MTA3: variants seen among roughly 807,000 people sequenced by gnomAD.
The protein encoded by MTA3 is metastasis-associated protein MTA3.
A neutral mutation model predicts 83.5 loss-of-function variants in MTA3; 34 were observed. That is an observed-to-expected ratio of 0.41 (90% confidence interval 0.31 to 0.54). MTA3 has a LOEUF of 0.54. MTA3 is among the 20% of genes least tolerant of loss of function. The probability of loss-of-function intolerance (pLI) is 0.33; values close to 1 mark genes in which losing one functional copy is unlikely to be tolerated. For synonymous variants in MTA3, 303 were observed against 252.7 expected (o/e 1.20, Z -1.89); for missense variants, 761 against 726.4 (o/e 1.05, Z -0.55).
At chr2:42,739,986 C>G (rs531745669) in intron 16 of MTA3, among the ~76,000 whole-genome samples, 2 of 152,306 alleles carry the variant, frequency 1.3e-5, no homozygotes, top group East Asian at 3.9e-4. Context: ...CACTGAAGTC[C>G]TGAACCTTTC....
rs558139458 is a variant in MTA3 at position 42,714,063 on chromosome 2, T to G, written c.1526-4925T>G. On this transcript the variant is annotated intron_variant, in intron 14 of 16. Coordinates refer to ENST00000405094, the MANE Select transcript of MTA3 (RefSeq NM_001330442.2). ...TAGACAATTCCTATTTCTCTAGAAC[T>G]TTGCTGGCAGTGTTACCCATCTTTG... Among the ~76,000 whole-genome samples, 291 of 152,340 alleles carry G rather than the reference T, an allele frequency of 1.9e-3. 2 individuals carry two copies. Among genetic ancestry groups the G allele is most frequent in the Non-Finnish European group, 3.5e-3 (240 of 68,032 alleles).
rs926865965 is a variant in MTA3 at position 42,701,840 on chromosome 2, C to T, written c.1026-2354C>T. Among the ~76,000 whole-genome samples, 8 of 149,852 alleles carry T rather than the reference C, an allele frequency of 5.3e-5. 1 individual carries two copies. In the South Asian group the frequency reaches 1.5e-3, roughly 28 times the overall value. ...AGGCAGGAGAATCGCTTGAACCTGC[C>T]GGGGGCAGAGGTTGCAGTGAGCCGA... is the stretch of plus-strand genomic sequence containing the variant. On this transcript the variant is annotated intron_variant, in intron 11 of 16. Transcript: ENST00000405094.
intron 8 of MTA3, among the ~76,000 whole-genome samples, chr2:42,666,145 C>T (rs1272634730): frequency 6.6e-6 from 1 of 152,078 alleles, no homozygotes; most frequent in Non-Finnish European, 1.5e-5. Context: ...GGTGTGGTGG[C>T]ACGCACCTGT....
intron 16 of MTA3, among the ~76,000 whole-genome samples, chr2:42,737,835 C>T (rs970899695): frequency 2.6e-5 from 4 of 152,078 alleles, no homozygotes; most frequent in Non-Finnish European, 4.4e-5. Flanking sequence ...AATACAGGCC[C>T]AGATTTGTAT....
At chr2:42,594,954 C>T (rs556755648) in intron 3 of MTA3, among the ~76,000 whole-genome samples, 6 of 146,752 alleles carry the variant, frequency 4.1e-5, no homozygotes, top group African/African-American at 1.0e-4. Context: ...GGGGTTTCAC[C>T]GTGTTAACCA....
At chr2:42,698,172 TG>T in intron 11 of MTA3, among the ~76,000 whole-genome samples, 1 of 152,226 alleles carries the variant, frequency 6.6e-6, no homozygotes, top group Admixed American at 6.5e-5. Context: ...AGATTTTGTT[TG>T]GGTAATGCAT....
chr2:42,742,125 ACTTT>A (rs375464995), intron 16 of MTA3, among the ~76,000 whole-genome samples: 1,794 of 149,468 alleles, frequency 0.012, 25 homozygotes, highest in African/African-American at 0.041. Flanking sequence ...TAAAGCCATC[ACTTT>A]CTTTCTTTCT....
At chr2:42,567,134 T>C (rs1489908592), upstream of MTA3, among the ~76,000 whole-genome samples, 1 of 152,174 alleles carries the variant, frequency 6.6e-6, no homozygotes, top group Non-Finnish European at 1.5e-5. Flanking sequence ...TCTGTGGTTT[T>C]CTGGGGTTAA....
chr2:42,547,491 C>T (rs1422566834), intron 2 of MTA3, among the ~76,000 whole-genome samples: 2 of 152,188 alleles, frequency 1.3e-5, no homozygotes, highest in African/African-American at 2.4e-5. Flanking sequence ...CCAACGCGCC[C>T]GGCTAATTTT....
chr2:42,594,705 C>CATATATATATATATATAT (rs1167117095), intron 3 of MTA3, among the ~76,000 whole-genome samples: 62 of 46,482 alleles, frequency 1.3e-3, no homozygotes, highest in East Asian at 2.3e-3. Flanking sequence ...TATAAATATA[C>CATATATATATATATATAT]ATATATATAT....
chr2:42,525,603 T>TTTCCTTCCTTCCTTTCC (rs1553337687), intron 2 of MTA3, among the ~76,000 whole-genome samples: 1 of 95,506 alleles, frequency 1.0e-5, no homozygotes, highest in African/African-American at 3.8e-5. Flanking sequence ...CCTTCCTTCC[T>TTTCCTTCCTTCCTTTCC]TTCCTTCCTT....
chr2:42,646,314 C>T (rs1688181165), intron 6 of MTA3, among the ~76,000 whole-genome samples: 1 of 152,168 alleles, frequency 6.6e-6, no homozygotes, highest in Non-Finnish European at 1.5e-5. Context: ...ATTCTGGAGT[C>T]TATGGATCAA....
intron 16 of MTA3, among the ~76,000 whole-genome samples, chr2:42,748,201 T>TGTGTGTGTGTGTGTGTG (rs1553402307): frequency 7.3e-6 from 1 of 137,618 alleles, no homozygotes; most frequent in Non-Finnish European, 1.6e-5. Context: ...GCTAATGTGT[T>TGTGTGTGTGTGTGTGTG]TGTGTGTGTG....
intron 3 of MTA3, among the ~76,000 whole-genome samples, chr2:42,584,545 AT>A (rs1198657262): frequency 1.9e-3 from 282 of 144,802 alleles, no homozygotes; most frequent in Middle Eastern, 3.6e-3. Context: ...ACTTCAGTGT[AT>A]TTTTTTTTTT....
intron 4 of MTA3, among the ~76,000 whole-genome samples, chr2:42,634,231 C>G (rs1686972105): frequency 6.6e-6 from 1 of 152,184 alleles, no homozygotes; most frequent in Non-Finnish European, 1.5e-5. Context: ...ATAATCCTTG[C>G]TCCCTTGGTG....
intron 14 of MTA3, among the ~76,000 whole-genome samples, chr2:42,709,754 G>T (rs561386209): frequency 6.6e-6 from 1 of 152,260 alleles, no homozygotes; most frequent in Admixed American, 6.5e-5. Flanking sequence ...CTAAACATAT[G>T]GTTGAGCAGC....
chr2:42,666,679 A>G (rs1352900963), intron 8 of MTA3, among the ~76,000 whole-genome samples: 1 of 152,128 alleles, frequency 6.6e-6, no homozygotes, highest in African/African-American at 2.4e-5. Flanking sequence ...TTTTGTGATT[A>G]TTTTGTGTCT....
intron 16 of MTA3, among the ~76,000 whole-genome samples, chr2:42,734,490 T>C (rs1335505855): frequency 8.5e-6 from 1 of 117,574 alleles, no homozygotes; most frequent in African/African-American, 3.5e-5. Context: ...TTTTTTTTTT[T>C]TTAATCCATT....
intron 2 of MTA3, among the ~76,000 whole-genome samples, chr2:42,525,152 C>T (rs1057442975): frequency 1.3e-5 from 2 of 148,402 alleles, no homozygotes; most frequent in Admixed American, 6.8e-5. Context: ...GTGGTAGGTA[C>T]AGCAAGTTTG....
Sources: allele counts gnomAD v4.1 joint callset (sites outside exome capture counted in the v4.1 genomes callset), GRCh38; gene constraint gnomAD v4.1.1; transcripts MANE v1.5; gene names NCBI Gene and HGNC (gene_info 2026-07-23, HGNC 2026-07-21).